Variants in ARPC2 observed in about 807,000 individuals in gnomAD.
ARPC2 encodes the protein actin-related protein 2/3 complex subunit 2.
A neutral mutation model predicts 38.6 loss-of-function variants in ARPC2; 4 were observed. The ratio of observed to expected loss-of-function variants is 0.10; its 90% CI spans 0.05 to 0.24. The LOEUF (loss-of-function observed/expected upper bound fraction) is 0.24, where lower values mean the gene tolerates loss of function less well. Ranked by LOEUF, ARPC2 falls within the 10% of genes least tolerant of loss-of-function variation. ARPC2 has a pLI of 1.00. For missense variants in ARPC2, 229 were observed against 387.3 expected (o/e 0.59, Z 3.43); for synonymous variants, 125 against 140.8 (o/e 0.89, Z 0.79).
intron 2 of ARPC2, among the ~76,000 whole-genome samples, chr2:218,219,002 CTT>C (rs1435089728): frequency 1.3e-5 from 2 of 152,084 alleles, no homozygotes; most frequent in Non-Finnish European, 2.9e-5. Flanking sequence ...TTGCTGTATA[CTT>C]TTTTCTGAGC....
At position 218,254,335 on chromosome 2, in the gene ARPC2, ATCTT is replaced by A; in HGVS notation, c.*424_*427del. 5.9e-6 allele frequency: 1 copy of A among 169,124 alleles called. No individual in the cohort carries two copies. The highest frequency in any genetic ancestry group is 1.3e-5 in the Non-Finnish European group (1 of 77,886). The allele number at this position is 169,124 out of a possible 1,614,324, so 10.5% of individuals were successfully genotyped here. On this transcript the variant is annotated 3_prime_UTR_variant, in exon 11 of 11. Coordinates refer to ENST00000315717, the MANE Select transcript of ARPC2 (RefSeq NM_152862.3). ...ACGGTTGGGGTCATTAATAAAGAAA[ATCTT>A]TCTATCTTACATGAGAATTTGCTGG... is the stretch of plus-strand genomic sequence containing the variant.
At chr2:218,253,621 T>G (rs891008326) in intron 10 of ARPC2, among the ~76,000 whole-genome samples, 5 of 152,244 alleles carry the variant, frequency 3.3e-5, no homozygotes, top group Admixed American at 2.6e-4. Flanking sequence ...GATTCTTCTA[T>G]CTAACTTGGT....
chr2:218,227,146 C>G, intron 3 of ARPC2: 1 of 394,080 alleles, frequency 2.5e-6, no homozygotes, highest in South Asian at 1.8e-5. Context: ...TGCCAGATAT[C>G]CCTTCGTGAT....
intron 7 of ARPC2, among the ~76,000 whole-genome samples, chr2:218,241,634 GATCTT>G (rs1689918913): frequency 6.6e-6 from 1 of 152,214 alleles, no homozygotes; most frequent in African/African-American, 2.4e-5. Flanking sequence ...ACTTTAAACA[GATCTT>G]ATCTTGGAGA....
At chr2:218,245,287 G>T (rs751174466) in intron 7 of ARPC2, 133 bp from the exon 8 acceptor site, 17 of 1,100,298 alleles carry the variant, frequency 1.5e-5, no homozygotes, top group Admixed American at 1.4e-4. Context: ...CAGGTTTGGT[G>T]TAGTTTATTT....
chr2:218,225,263 T>G (rs916448560), intron 2 of ARPC2, among the ~76,000 whole-genome samples: 3 of 152,230 alleles, frequency 2.0e-5, no homozygotes, highest in African/African-American at 7.2e-5. Context: ...CTATTCTTAG[T>G]GATTTCATAG....
At chr2:218,226,750 A>G (rs141809602) in intron 3 of ARPC2, among the ~76,000 whole-genome samples, 110 of 152,096 alleles carry the variant, frequency 7.2e-4, no homozygotes, top group African/African-American at 2.6e-3. Flanking sequence ...GACAATATAA[A>G]GTTACCTGCT....
intron 2 of ARPC2, among the ~76,000 whole-genome samples, chr2:218,222,574 C>CT (rs1689407504): frequency 1.3e-5 from 2 of 152,190 alleles, no homozygotes; most frequent in South Asian, 4.1e-4. Context: ...TTACAGCAGT[C>CT]TGACACTTAT....
intron 8 of ARPC2, among the ~76,000 whole-genome samples, chr2:218,245,944 G>C (rs1024855207): frequency 1.3e-5 from 2 of 152,072 alleles, no homozygotes; most frequent in Non-Finnish European, 2.9e-5. Context: ...GGCTGGGCAC[G>C]GTGGTTCATG....
At chr2:218,238,589 GCT>G in intron 5 of ARPC2, 73 bp from the exon 6 acceptor site, 1 of 748,030 alleles carries the variant, frequency 1.3e-6, no homozygotes, top group Non-Finnish European at 2.0e-6. Context: ...ATAGTATGCT[GCT>G]TTTTTTTTTT....
rs1431474594 is a variant in ARPC2 at position 218,238,669 on chromosome 2, A to G, written c.274A>G (p.Asn92Asp). ...TGTTTTTTCTTTCCCTCCAGGATAC[A>G]ATGTCTCTTTGCTATATGACCTTGA... is the stretch of plus-strand genomic sequence containing the variant. ...SFLVNPESGY[N>D]VSLLYDLENL... The change falls in exon 6 of 11, where the codon AAT becomes GAT. Residue 92 changes from asparagine to aspartate, a missense_variant. Coordinates refer to ENST00000315717, the MANE Select transcript of ARPC2 (RefSeq NM_152862.3). 6.3e-6 allele frequency: 10 copies of G among 1,597,098 alleles called. No homozygotes were observed. The highest frequency in any genetic ancestry group is 8.5e-6 in the Non-Finnish European group (10 of 1,170,610).
intron 4 of ARPC2, 99 bp from the exon 5 acceptor site, chr2:218,234,253 A>G (rs993992702): frequency 3.3e-6 from 3 of 914,052 alleles, no homozygotes; most frequent in South Asian, 1.7e-5. Flanking sequence ...AAGAATGCCA[A>G]CTTAGGAAGA....
At chr2:218,241,589 A>G (rs931744509) in intron 7 of ARPC2, among the ~76,000 whole-genome samples, 7 of 152,226 alleles carry the variant, frequency 4.6e-5, no homozygotes, top group African/African-American at 1.7e-4. Context: ...TACCAATCTT[A>G]TTCCATTTTA....
rs1689717651 is a variant in ARPC2, at chr2:218,234,364, G to T, written c.235G>T (p.Val79Leu). 6.2e-7 allele frequency: 1 copy of T among 1,604,698 alleles called. No individual in the cohort carries two copies. Among genetic ancestry groups the T allele is most frequent in the Non-Finnish European group, 8.5e-7 (1 of 1,173,016 alleles). ...AHGADELLKR[V>L]YGSFLVNPES... ...TTTTATTTTCTAGTTATTAAAGAGGGTGTACGGGAGTTTCTTGGTAAATCC... is the reference window on the plus strand; with the variant it reads ...TTTTATTTTCTAGTTATTAAAGAGGTTGTACGGGAGTTTCTTGGTAAATCC... Residue 79 changes from valine to leucine, a missense_variant, in exon 5 of 11, where the codon GTG becomes TTG. Physicochemically the swap from Val to Leu is conservative, Grantham distance 32. Coordinates refer to ENST00000315717, the MANE Select transcript of ARPC2 (RefSeq NM_152862.3).
intron 2 of ARPC2, among the ~76,000 whole-genome samples, chr2:218,221,631 C>T (rs1237758541): frequency 6.6e-6 from 1 of 152,194 alleles, no homozygotes; most frequent in Admixed American, 6.5e-5. Context: ...CCAGCATCCT[C>T]ATTGTGTATA....
chr2:218,228,935 A>C (rs1689568901), intron 4 of ARPC2, 85 bp downstream of exon 4: 1 of 852,268 alleles, frequency 1.2e-6, no homozygotes, highest in Non-Finnish European at 1.9e-6. Flanking sequence ...CCATGGCACT[A>C]AATCACCCCC....
intron 8 of ARPC2, among the ~76,000 whole-genome samples, chr2:218,247,398 C>A (rs1690066313): frequency 6.6e-6 from 1 of 152,216 alleles, no homozygotes. Context: ...ATTTAATTCA[C>A]CTCAGTGGTA....
At chr2:218,245,360 TG>T in intron 7 of ARPC2, 59 bp from the exon 8 acceptor site, 1 of 1,609,388 alleles carries the variant, frequency 6.2e-7, no homozygotes, top group Non-Finnish European at 8.5e-7. Flanking sequence ...CCCTATAGCT[TG>T]AGTTGCCACT....
intron 5 of ARPC2, chr2:218,234,638 C>A (rs1254725777): frequency 2.4e-5 from 13 of 540,650 alleles, no homozygotes; most frequent in Non-Finnish European, 4.0e-5. Flanking sequence ...CTTGATGGGG[C>A]CACATGACTC....
Sources: allele counts gnomAD v4.1 joint callset (sites outside exome capture counted in the v4.1 genomes callset), GRCh38; gene constraint gnomAD v4.1.1; transcripts MANE v1.5; gene names NCBI Gene and HGNC (gene_info 2026-07-23, HGNC 2026-07-21).